DNAJC5B: variants seen among roughly 807,000 people sequenced by gnomAD.
DNAJC5B encodes dnaJ homolog subfamily C member 5B.
DNAJC5B carries 23 observed loss-of-function variants against 24.7 expected under a neutral mutation model. That is an observed-to-expected ratio of 0.93 (90% CI 0.67 to 1.32). DNAJC5B has a LOEUF of 1.32. Ranked by LOEUF, DNAJC5B falls within the 40% of genes most tolerant of loss-of-function variation. The probability of loss-of-function intolerance (pLI) is 0.00; values close to 1 mark genes in which losing one functional copy is unlikely to be tolerated. For synonymous variants in DNAJC5B, 101 were observed against 90.1 expected (o/e 1.12, Z -0.68); for missense variants, 238 against 240.8 (o/e 0.99, Z 0.08).
chr8:66,055,550 T>G (rs1036856744), intron 3 of DNAJC5B, among the ~76,000 whole-genome samples: 3 of 152,230 alleles, frequency 2.0e-5, no homozygotes, highest in Non-Finnish European at 4.4e-5. Context: ...TATAAAAAAG[T>G]CTTTCTCTTA....
At chr8:66,055,958 A>G (rs1255109962) in intron 3 of DNAJC5B, among the ~76,000 whole-genome samples, 4 of 152,204 alleles carry the variant, frequency 2.6e-5, no homozygotes, top group Non-Finnish European at 5.9e-5. Context: ...TGGAATAAAT[A>G]AATAAATAAG....
Position 66,052,210 on chromosome 8 carries a change from G to A in DNAJC5B, c.119+544G>A, listed in dbSNP as rs560791875. ...TGACCTCAGGCAATCTGCCCACCTCGGCCTCCCAAAGTGCTGGGATTACAG... is the reference window on the plus strand; with the variant it reads ...TGACCTCAGGCAATCTGCCCACCTCAGCCTCCCAAAGTGCTGGGATTACAG... On this transcript the variant is annotated intron_variant, in intron 3 of 5. Coordinates refer to ENST00000276570, the MANE Select transcript of DNAJC5B (RefSeq NM_033105.6). Among the ~76,000 whole-genome samples, 8 of 151,108 alleles carry A rather than the reference G, an allele frequency of 5.3e-5. No individual in the cohort carries two copies. In the South Asian group the frequency reaches 1.5e-3, roughly 28 times the overall value.
At chr8:66,058,303 T>G (rs1807009963) in intron 3 of DNAJC5B, among the ~76,000 whole-genome samples, 1 of 152,184 alleles carries the variant, frequency 6.6e-6, no homozygotes, top group Non-Finnish European at 1.5e-5. Context: ...TAAAACCAAC[T>G]TTTTGCTTCT....
At chr8:66,088,248 C>T (rs1268080078) in intron 5 of DNAJC5B, among the ~76,000 whole-genome samples, 1 of 152,212 alleles carries the variant, frequency 6.6e-6, no homozygotes, top group Non-Finnish European at 1.5e-5. Flanking sequence ...CCAGCCTCAT[C>T]TGGAGCTGGA....
At chr8:66,062,302 A>C (rs1807100699) in intron 3 of DNAJC5B, among the ~76,000 whole-genome samples, 1 of 152,204 alleles carries the variant, frequency 6.6e-6, no homozygotes, top group East Asian at 1.9e-4. Context: ...TGACCCAATA[A>C]ACAGAGGAGG....
At chr8:66,019,673 T>C (rs552227626), upstream of DNAJC5B, among the ~76,000 whole-genome samples, 1 of 152,360 alleles carries the variant, frequency 6.6e-6, no homozygotes, top group Admixed American at 6.5e-5. Context: ...TAAATATTAG[T>C]GCAGATGGCA....
chr8:66,041,263 C>T (rs1806602403), intron 1 of DNAJC5B, among the ~76,000 whole-genome samples: 1 of 152,140 alleles, frequency 6.6e-6, no homozygotes, highest in African/African-American at 2.4e-5. Flanking sequence ...CCTTGCACAT[C>T]ACATGTTCGA....
intron 2 of DNAJC5B, among the ~76,000 whole-genome samples, chr8:66,049,511 T>C (rs1038974845): frequency 6.6e-6 from 1 of 152,206 alleles, no homozygotes; most frequent in Non-Finnish European, 1.5e-5. Context: ...TGTACAGGTT[T>C]GTAGTCTAGG....
At chr8:66,048,185 C>A (rs1005224298) in intron 2 of DNAJC5B, among the ~76,000 whole-genome samples, 6 of 152,192 alleles carry the variant, frequency 3.9e-5, no homozygotes, top group African/African-American at 1.4e-4. Context: ...GGTACCCTTT[C>A]CTACACTGTG....
intron 5 of DNAJC5B, among the ~76,000 whole-genome samples, chr8:66,090,532 G>A (rs994599404): frequency 6.6e-6 from 1 of 152,010 alleles, no homozygotes; most frequent in Admixed American, 6.5e-5. Context: ...AAGAGAAAGT[G>A]TTTTATATTA....
At chr8:66,055,060 A>G (rs1450282420) in intron 3 of DNAJC5B, among the ~76,000 whole-genome samples, 1 of 152,210 alleles carries the variant, frequency 6.6e-6, no homozygotes, top group East Asian at 1.9e-4. Flanking sequence ...TTGTAAGCCA[A>G]AATTTCAGGT....
chr8:66,087,874 C>T (rs978204278), intron 5 of DNAJC5B, among the ~76,000 whole-genome samples: 1 of 152,194 alleles, frequency 6.6e-6, no homozygotes, highest in Non-Finnish European at 1.5e-5. Flanking sequence ...CATTGAGTGC[C>T]TGTGGCTTTT....
At chr8:66,047,688 A>C (rs1376567739) in intron 2 of DNAJC5B, among the ~76,000 whole-genome samples, 9 of 152,156 alleles carry the variant, frequency 5.9e-5, no homozygotes, top group Non-Finnish European at 2.9e-5. Flanking sequence ...GACAGCTCTT[A>C]AGACTTTTAT....
intron 2 of DNAJC5B, among the ~76,000 whole-genome samples, chr8:66,048,242 G>A (rs1332486501): frequency 6.6e-6 from 1 of 152,096 alleles, no homozygotes; most frequent in Non-Finnish European, 1.5e-5. Context: ...TATCCCTAGA[G>A]GGTATTGCAA....
chr8:66,040,249 G>A (rs1016435190), intron 1 of DNAJC5B, among the ~76,000 whole-genome samples: 5 of 152,120 alleles, frequency 3.3e-5, no homozygotes, highest in South Asian at 2.1e-4. Context: ...AATTAGCCAG[G>A]AGTGGTGACA....
intron 3 of DNAJC5B, among the ~76,000 whole-genome samples, chr8:66,054,823 T>A (rs762196439): frequency 5.9e-5 from 9 of 152,158 alleles, no homozygotes; most frequent in Non-Finnish European, 1.0e-4. Context: ...TTGGTGGACG[T>A]CCTTGGCTGA....
intron 3 of DNAJC5B, among the ~76,000 whole-genome samples, chr8:66,063,642 A>G (rs1379722195): frequency 1.3e-5 from 2 of 152,212 alleles, no homozygotes; most frequent in African/African-American, 2.4e-5. Flanking sequence ...TTAGTTCTTC[A>G]TGCAGTGCCA....
rs773873744 is a variant in DNAJC5B, at chr8:66,099,928, T to A, written c.506-9T>A. 1.2e-6 allele frequency: 2 copies of A among 1,612,834 alleles called. No homozygotes were observed. The highest frequency in any genetic ancestry group is 2.2e-5 in the South Asian group (2 of 90,996). Reference sequence around the variant, plus strand: ...AGAGTGTTTATTGCTTTGCTTTGTTTATTTTTAGATGTGGACTTTCCAGTT... The same window carrying A: ...AGAGTGTTTATTGCTTTGCTTTGTTAATTTTTAGATGTGGACTTTCCAGTT... On this transcript the variant is annotated splice_polypyrimidine_tract_variant and intron_variant, in intron 5 of 5. Coordinates refer to ENST00000276570, the MANE Select transcript of DNAJC5B (RefSeq NM_033105.6).
chr8:66,016,073 C>G, the DNAJC5B span, among the ~76,000 whole-genome samples: 1 of 152,222 alleles, frequency 6.6e-6, no homozygotes, highest in Non-Finnish European at 1.5e-5. Context: ...AGGCACTGGC[C>G]TTGGTGAAGG....
Sources: gnomAD v4.1 joint callset for allele counts (sites outside exome capture counted in the v4.1 genomes callset) on GRCh38, gnomAD v4.1.1 for gene constraint, MANE v1.5 for transcripts, NCBI Gene and HGNC (gene_info 2026-07-23, HGNC 2026-07-21) for gene names.